SORCS1: variants seen among roughly 807,000 people sequenced by gnomAD.
The protein encoded by SORCS1 is VPS10 domain-containing receptor SorCS1.
SORCS1 carries 60 observed loss-of-function variants against 146.1 expected under a neutral mutation model. The ratio of observed to expected loss-of-function variants is 0.41; its 90% CI spans 0.33 to 0.51. SORCS1 has a LOEUF of 0.51. Among genes scored for constraint, SORCS1 ranks in the 20% least tolerant of loss-of-function variants. The pLI is 0.21. For missense variants in SORCS1, 1,352 were observed against 1,487.6 expected (o/e 0.91, Z 1.50); for synonymous variants, 637 against 584.0 (o/e 1.09, Z -1.31).
At chr10:106,717,852 T>C (rs1855488449) in intron 6 of SORCS1, among the ~76,000 whole-genome samples, 1 of 152,286 alleles carries the variant, frequency 6.6e-6, no homozygotes, top group South Asian at 2.1e-4. Context: ...CGGTGAAATA[T>C]TTAATCCTCA....
intron 7 of SORCS1, among the ~76,000 whole-genome samples, chr10:106,708,148 C>G (rs1854668082): frequency 6.6e-6 from 1 of 152,144 alleles, no homozygotes; most frequent in South Asian, 2.1e-4. Flanking sequence ...TTATTATAGA[C>G]AGAACCAATA....
At chr10:107,026,242 T>G (rs1453365085) in intron 1 of SORCS1, among the ~76,000 whole-genome samples, 1 of 152,218 alleles carries the variant, frequency 6.6e-6, no homozygotes, top group Non-Finnish European at 1.5e-5. Context: ...GTGAGCAGAA[T>G]AAAGCATTTA....
intron 2 of SORCS1, among the ~76,000 whole-genome samples, chr10:106,934,180 C>T (rs994802601): frequency 8.6e-5 from 13 of 150,308 alleles, no homozygotes; most frequent in East Asian, 3.9e-4. Context: ...GAAAAGGAAA[C>T]GTTTATACAC....
chr10:107,072,473 C>T (rs1346198878), intron 1 of SORCS1, among the ~76,000 whole-genome samples: 1 of 152,082 alleles, frequency 6.6e-6, no homozygotes. Flanking sequence ...TAGAGTGTAA[C>T]GATTTAGTTA....
At chr10:107,014,650 G>A (rs1054808581) in intron 1 of SORCS1, among the ~76,000 whole-genome samples, 8 of 152,126 alleles carry the variant, frequency 5.3e-5, no homozygotes, top group African/African-American at 1.7e-4. Context: ...AAATTGTCTG[G>A]TCCAATACCA....
intron 1 of SORCS1, among the ~76,000 whole-genome samples, chr10:107,000,200 C>T (rs1449690526): frequency 6.6e-6 from 1 of 152,142 alleles, no homozygotes; most frequent in Non-Finnish European, 1.5e-5. Context: ...AAGTTTGTAC[C>T]TTCTGTGTGC....
chr10:106,910,892 T>C (rs1450462338), intron 2 of SORCS1, among the ~76,000 whole-genome samples: 2 of 152,242 alleles, frequency 1.3e-5, no homozygotes, highest in Non-Finnish European at 2.9e-5. Flanking sequence ...TAATCATTGC[T>C]TAATGTGCAT....
At chr10:106,806,492 T>G (rs1341951783) in intron 3 of SORCS1, among the ~76,000 whole-genome samples, 3 of 147,154 alleles carry the variant, frequency 2.0e-5, no homozygotes, top group East Asian at 2.0e-4. Flanking sequence ...GCCCTTCTGA[T>G]GAGAGAGGAA....
At chr10:106,827,920 T>C (rs565117193) in intron 3 of SORCS1, among the ~76,000 whole-genome samples, 95 of 152,338 alleles carry the variant, frequency 6.2e-4, no homozygotes, top group Non-Finnish European at 1.1e-3. Flanking sequence ...TCAAAAGCCA[T>C]AAATTGTTAA....
chr10:106,981,746 G>C (rs561111346), intron 1 of SORCS1, among the ~76,000 whole-genome samples: 15 of 152,216 alleles, frequency 9.9e-5, no homozygotes, highest in African/African-American at 2.9e-4. Flanking sequence ...TCCAAAAGAA[G>C]AAAGCAGGAC....
chr10:106,957,165 G>GTTTTTTTTTTTTTTTTT (rs374081494), intron 1 of SORCS1, among the ~76,000 whole-genome samples: 29 of 138,018 alleles, frequency 2.1e-4, no homozygotes, highest in South Asian at 4.4e-4. Flanking sequence ...GTTTTTTTTT[G>GTTTTTTTTTTTTTTTTT]TTTTTTTTGT....
intron 1 of SORCS1, among the ~76,000 whole-genome samples, chr10:107,021,192 G>A (rs1206118230): frequency 6.6e-6 from 1 of 151,988 alleles, no homozygotes; most frequent in Non-Finnish European, 1.5e-5. Flanking sequence ...GACCGGCTAT[G>A]TGGAAAAACT....
chr10:106,657,878 T>C (rs1850427948), intron 17 of SORCS1, among the ~76,000 whole-genome samples: 1 of 151,972 alleles, frequency 6.6e-6, no homozygotes, highest in Admixed American at 6.6e-5. Context: ...CCTAAAGTTC[T>C]TGGGAAGATT....
At chr10:106,797,068 C>T (rs1946604388) in intron 3 of SORCS1, among the ~76,000 whole-genome samples, 1 of 152,136 alleles carries the variant, frequency 6.6e-6, no homozygotes, top group South Asian at 2.1e-4. Flanking sequence ...GATCACGCCA[C>T]TGCACTCCAG....
At chr10:106,985,352 A>AT (rs1319384046) in intron 1 of SORCS1, among the ~76,000 whole-genome samples, 3 of 152,038 alleles carry the variant, frequency 2.0e-5, no homozygotes, top group East Asian at 1.9e-4. Context: ...TACGAAGTGT[A>AT]TTTTTTCTCT....
At chr10:107,042,547 AT>A (rs1959176212) in intron 1 of SORCS1, among the ~76,000 whole-genome samples, 1 of 152,126 alleles carries the variant, frequency 6.6e-6, no homozygotes, top group Non-Finnish European at 1.5e-5. Context: ...ACATGGACAA[AT>A]AAAGGGGTGG....
At chr10:107,165,401 G>T (rs1712536410), upstream of SORCS1, among the ~76,000 whole-genome samples, 1 of 151,576 alleles carries the variant, frequency 6.6e-6, no homozygotes, top group African/African-American at 2.4e-5. This position sits in a 1 kb window ranked among gnomAD's most constrained non-coding sequence, Gnocchi z 4.0. Context: ...CACTGAATTT[G>T]AACCCAATCT....
At chr10:106,752,412 G>C (rs2136193633) in intron 5 of SORCS1, among the ~76,000 whole-genome samples, 1 of 152,228 alleles carries the variant, frequency 6.6e-6, no homozygotes, top group South Asian at 2.1e-4. Flanking sequence ...AACTGTCCTG[G>C]CTCATAATAG....
chr10:106,903,475 C>A (rs1051642014), intron 2 of SORCS1, among the ~76,000 whole-genome samples: 1 of 152,190 alleles, frequency 6.6e-6, no homozygotes, highest in Non-Finnish European at 1.5e-5. Context: ...CAGTCCAAGA[C>A]AATCCTATTG....
Sources: allele counts gnomAD v4.1 joint callset (sites outside exome capture counted in the v4.1 genomes callset), GRCh38; gene constraint gnomAD v4.1.1; non-coding constraint Gnocchi (gnomAD v3.1); transcripts MANE v1.5; gene names NCBI Gene and HGNC (gene_info 2026-07-23, HGNC 2026-07-21).